Variants in DMD observed in about 807,000 individuals in gnomAD.
DMD encodes mutant dystrophin.
A neutral mutation model predicts 330.1 loss-of-function variants in DMD; 63 were observed. The ratio of observed to expected loss-of-function variants is 0.19; its 90% confidence interval spans 0.16 to 0.24. The LOEUF (loss-of-function observed/expected upper bound fraction) is 0.24, where lower values mean the gene tolerates loss of function less well. DMD is among the 10% of genes least tolerant of loss of function. DMD has a pLI of 1.00. For missense variants in DMD, 3,344 were observed against 2,684.1 expected (o/e 1.25, Z -5.43); for synonymous variants, 1,223 against 959.8 (o/e 1.27, Z -5.07).
intron 44 of DMD, among the ~76,000 whole-genome samples, chrX:32,106,596 A>C (rs1407232169): frequency 9.0e-6 from 1 of 111,452 alleles, no homozygotes; most frequent in Non-Finnish European, 1.9e-5. Flanking sequence ...ATATATCTGC[A>C]TTTTTATCAG....
At chrX:32,510,883 G>C (rs958826014) in intron 18 of DMD, among the ~76,000 whole-genome samples, 2 of 110,917 alleles carry the variant, frequency 1.8e-5, no homozygotes, top group African/African-American at 6.6e-5. Flanking sequence ...AAGTAGAAAA[G>C]AAAGAGTACC....
At chrX:31,243,998 G>A (rs1476966421) in intron 63 of DMD, among the ~76,000 whole-genome samples, 1 of 112,547 alleles carries the variant, frequency 8.9e-6, no homozygotes, top group Non-Finnish European at 1.9e-5. Context: ...TTAGAAGCAA[G>A]AACCTTGAAA....
chrX:33,041,912 A>ATGTGTGGTTTATATTTGTAACTGCC (rs2094308779), intron 1 of DMD, among the ~76,000 whole-genome samples: 1 of 109,717 alleles, frequency 9.1e-6, no homozygotes, highest in Non-Finnish European at 1.9e-5. Context: ...TCCATACGTG[A>ATGTGTGGTTTATATTTGTAACTGCC]TGTGTGGTTT....
intron 9 of DMD, among the ~76,000 whole-genome samples, chrX:32,655,486 A>C (rs7889034): frequency 0.25 from 28,243 of 111,422 alleles, 4,818 homozygotes; most frequent in African/African-American, 0.63. Flanking sequence ...AGTTTGATTG[A>C]ACTGTGGTCT....
Position 33,331,926 on chromosome X carries a change from T to C in DMD, c.7+7333A>G, listed in dbSNP as rs1331179156. ...GTCATCTTTTCAAAAGTAGTATATA[T>C]ATTGAATATTTAAAGTATTCTTGTT... On this transcript the variant is annotated intron_variant, in intron 1 of 17. Transcript: ENST00000288447. Among the ~76,000 whole-genome samples, 3 of 111,822 alleles carry C rather than the reference T, an allele frequency of 2.7e-5. No individual in the cohort carries two copies. The Admixed American group carries it at 2.9e-4, about 11-fold the overall frequency.
At chrX:32,766,356 AAAAT>A in intron 7 of DMD, among the ~76,000 whole-genome samples, 1 of 111,445 alleles carries the variant, frequency 9.0e-6, no homozygotes, top group South Asian at 3.7e-4. Context: ...TTTATTTATA[AAAAT>A]AAATGTTTAA....
At chrX:31,238,969 C>G (rs1230457646) in intron 63 of DMD, among the ~76,000 whole-genome samples, 1 of 111,972 alleles carries the variant, frequency 8.9e-6, no homozygotes, top group Non-Finnish European at 1.9e-5. Context: ...GCTGAATAAT[C>G]AACACCTGCA....
chrX:31,440,334 ATGGG>A (rs72258546), intron 60 of DMD, among the ~76,000 whole-genome samples: 6,385 of 110,219 alleles, frequency 0.058, 269 homozygotes, highest in African/African-American at 0.14. Flanking sequence ...TTTAGTAGTG[ATGGG>A]GTTTCACTAT....
At chrX:32,686,329 G>A (rs772116332) in intron 9 of DMD, among the ~76,000 whole-genome samples, 5 of 110,512 alleles carry the variant, frequency 4.5e-5, no homozygotes, top group African/African-American at 1.6e-4. Context: ...TGGCCAAGGC[G>A]GCTGGATCAC....
intron 44 of DMD, among the ~76,000 whole-genome samples, chrX:32,109,113 A>C (rs1022028831): frequency 8.9e-6 from 1 of 111,820 alleles, no homozygotes; most frequent in African/African-American, 3.2e-5. Flanking sequence ...CATATTCTGA[A>C]AAAAGTGTTA....
At chrX:32,720,037 TAA>T (rs1457857191) in intron 7 of DMD, among the ~76,000 whole-genome samples, 1 of 110,036 alleles carries the variant, frequency 9.1e-6, no homozygotes, top group East Asian at 2.9e-4. Context: ...ATTAAGTAAA[TAA>T]AATACACAAG....
intron 43 of DMD, among the ~76,000 whole-genome samples, chrX:32,260,060 A>G (rs1274874111): frequency 9.0e-6 from 1 of 110,945 alleles, no homozygotes; most frequent in Non-Finnish European, 1.9e-5. Context: ...TACTCTTTGG[A>G]TATCTTGGTA....
chrX:32,268,028 G>T (rs2097351126), intron 43 of DMD, among the ~76,000 whole-genome samples: 1 of 112,244 alleles, frequency 8.9e-6, no homozygotes, highest in Admixed American at 9.4e-5. Flanking sequence ...AGCCACACAA[G>T]CCTCAGAATA....
At chrX:32,886,444 G>A (rs1490164233) in intron 2 of DMD, among the ~76,000 whole-genome samples, 1 of 111,034 alleles carries the variant, frequency 9.0e-6, no homozygotes, top group Non-Finnish European at 1.9e-5. Context: ...AGCACTTTGG[G>A]AGGCCGAGGT....
Position 31,295,143 on chromosome X carries a change from C to A in DMD, c.9224+28455G>T, listed in dbSNP as rs188531138. Among the ~76,000 whole-genome samples the A allele has an allele frequency of 3.8e-3, 411 of 108,999 alleles. 3 individuals carry two copies. Among genetic ancestry groups the A allele is most frequent in the African/African-American group, 0.013 (385 of 29,922 alleles). 94.7% of individuals were successfully genotyped at this position (108,999 alleles called of 115,157 possible). On this transcript the variant is annotated intron_variant, in intron 62 of 78. Coordinates refer to ENST00000357033, the MANE Select transcript of DMD (RefSeq NM_004006.3). Reference sequence around the variant, plus strand: ...CCCGAGTATCTGGGACTACAGGCGTCCACCACCACACCTGGCTAATTTTTT... The same window carrying A: ...CCCGAGTATCTGGGACTACAGGCGTACACCACCACACCTGGCTAATTTTTT...
intron 49 of DMD, among the ~76,000 whole-genome samples, chrX:31,822,653 G>GGGTGTGTGTGTGT (rs58903799): frequency 0.02 from 1,326 of 65,800 alleles, 43 homozygotes; most frequent in African/African-American, 0.045. Context: ...AAGGCAGAGG[G>GGGTGTGTGTGTGT]GTGTGTGTGT....
At position 31,225,296 on chromosome X, in the gene DMD, T is replaced by C. The variant is rs190466466; in HGVS notation, c.9287-2175A>G. Among the ~76,000 whole-genome samples the C allele has an allele frequency of 7.8e-3, 879 of 112,464 alleles. 4 individuals are homozygous for C. The highest frequency in any genetic ancestry group is 0.041 in the Middle Eastern group (9 of 219). On this transcript the variant is annotated intron_variant, in intron 63 of 78. Coordinates refer to ENST00000357033, the MANE Select transcript of DMD (RefSeq NM_004006.3). The stretch of plus-strand genomic sequence containing the variant: ...GCTAGCAATTAATCAAAAAGCCTCA[T>C]GCCACAGGCGGCCACTGTAAGTGAT...
In DMD at chrX:33,010,795, C is replaced by A. The variant is rs182237819; in HGVS notation, c.93+9344G>T. Among the ~76,000 whole-genome samples, 626 of 110,750 alleles carry A rather than the reference C, an allele frequency of 5.7e-3. 3 individuals carry two copies. The highest frequency in any genetic ancestry group is 8.5e-3 in the Non-Finnish European group (450 of 52,835). On this transcript the variant is annotated intron_variant, in intron 2 of 78. Coordinates refer to ENST00000357033, the MANE Select transcript of DMD (RefSeq NM_004006.3). ...AATTCCTCAGTGGGGTTTCCTCCAA[C>A]ATTCTCTACTACAGACCTGATTAAA...
chrX:32,786,687 C>A, intron 7 of DMD, among the ~76,000 whole-genome samples: 1 of 111,481 alleles, frequency 9.0e-6, no homozygotes, highest in South Asian at 3.7e-4. Flanking sequence ...AAATGAGTAA[C>A]CTTTTAGTTA....
Sources: allele counts gnomAD v4.1 joint callset (sites outside exome capture counted in the v4.1 genomes callset), GRCh38; gene constraint gnomAD v4.1.1; transcripts MANE v1.5; gene names NCBI Gene and HGNC (gene_info 2026-07-23, HGNC 2026-07-21).